Variants in CROT observed in about 807,000 individuals in gnomAD.
The protein encoded by CROT is peroxisomal carnitine O-octanoyltransferase.
A neutral mutation model predicts 89.2 loss-of-function variants in CROT; 84 were observed. The observed-to-expected ratio is 0.94, with a 90% confidence interval of 0.79 to 1.13. CROT has a LOEUF of 1.13. Ranked by LOEUF, CROT falls within the 50% of genes most tolerant of loss-of-function variation. The probability of loss-of-function intolerance (pLI) is 0.00; values close to 1 mark genes in which losing one functional copy is unlikely to be tolerated. For synonymous variants in CROT, 212 were observed against 239.5 expected (o/e 0.89, Z 1.06); for missense variants, 711 against 727.8 (o/e 0.98, Z 0.27).
chr7:87,360,660 T>A (rs1806237386), intron 4 of CROT, among the ~76,000 whole-genome samples: 1 of 152,126 alleles, frequency 6.6e-6, no homozygotes, highest in South Asian at 2.1e-4. Context: ...ATTTCTGATT[T>A]AGTATTGCAG....
chr7:87,397,937 C>T (rs1807595856), intron 17 of CROT, among the ~76,000 whole-genome samples: 1 of 152,160 alleles, frequency 6.6e-6, no homozygotes, highest in Admixed American at 6.5e-5. Flanking sequence ...AGTCAGGCTT[C>T]TCTCCTATTT....
intron 17 of CROT, among the ~76,000 whole-genome samples, chr7:87,396,690 T>TAA (rs11417845): frequency 0.12 from 17,196 of 148,864 alleles, 1,034 homozygotes; most frequent in South Asian, 0.13. Flanking sequence ...ATGCTGATTG[T>TAA]AAAAAAAAAA....
At chr7:87,351,016 A>T (rs1394939146) in intron 3 of CROT, among the ~76,000 whole-genome samples, 3 of 149,968 alleles carry the variant, frequency 2.0e-5, no homozygotes, top group Non-Finnish European at 2.9e-5. Flanking sequence ...TATATTAGAA[A>T]AGGAAATATT....
chr7:87,385,109 T>G lies in CROT; in HGVS notation c.1301+2566T>G, dbSNP rs187527273. ...GGTTACTATAGTTTGGCGGTATATT[T>G]TGAAGTTTGGTAATGTGATACCTCA... is the stretch of plus-strand genomic sequence containing the variant. On this transcript the variant is annotated intron_variant, in intron 13 of 17. Coordinates refer to ENST00000331536, the MANE Select transcript of CROT (RefSeq NM_021151.4). 9.9e-5 allele frequency among the ~76,000 whole-genome samples: 15 copies of G among 152,278 alleles called. No homozygotes were observed. In the East Asian group the frequency reaches 2.7e-3, roughly 27 times the overall value.
chr7:87,358,259 C>T lies in CROT; in HGVS notation c.116-947C>T, dbSNP rs375046823. Among the ~76,000 whole-genome samples, 13 of 151,306 alleles carry T rather than the reference C, an allele frequency of 8.6e-5. No individual in the cohort carries two copies. In the East Asian group the frequency reaches 1.4e-3, roughly 16 times the overall value. On this transcript the variant is annotated intron_variant, in intron 3 of 17. Transcript: ENST00000331536. ...TTGGGAGGCGGAGGCAGGTAGATCA[C>T]GAGGTCAGGAGATCGAGACCATCCT... is the stretch of plus-strand genomic sequence containing the variant.
chr7:87,354,439 G>A (rs1218238622), intron 3 of CROT: 2 of 515,568 alleles, frequency 3.9e-6, no homozygotes, highest in Admixed American at 2.0e-5. Context: ...TATGATTATA[G>A]CATAGGATTA....
chr7:87,356,298 T>A (rs970436743), intron 3 of CROT, among the ~76,000 whole-genome samples: 1 of 152,352 alleles, frequency 6.6e-6, no homozygotes, highest in Admixed American at 6.5e-5. Context: ...ACCAAAATTT[T>A]GGGTAAAGTA....
At chr7:87,376,810 G>A (rs1424772553) in intron 9 of CROT, among the ~76,000 whole-genome samples, 2 of 152,034 alleles carry the variant, frequency 1.3e-5, no homozygotes, top group Non-Finnish European at 2.9e-5. Flanking sequence ...GAGTTTCACA[G>A]AGCACTAATT....
chr7:87,390,250 T>C (rs965270127), intron 13 of CROT, among the ~76,000 whole-genome samples: 1 of 152,192 alleles, frequency 6.6e-6, no homozygotes, highest in African/African-American at 2.4e-5. Context: ...CTCCATCTTT[T>C]AAGATTAAGA....
chr7:87,374,120 A>G (rs1365892496), intron 7 of CROT, among the ~76,000 whole-genome samples: 1 of 152,102 alleles, frequency 6.6e-6, no homozygotes, highest in Non-Finnish European at 1.5e-5. Flanking sequence ...AAAAAAATAT[A>G]TGATTCTGTA....
chr7:87,356,134 C>T (rs905016639), intron 3 of CROT, among the ~76,000 whole-genome samples: 3 of 152,120 alleles, frequency 2.0e-5, no homozygotes, highest in Admixed American at 2.0e-4. Context: ...GCAGGTGCCA[C>T]CATGCCCTGC....
intron 7 of CROT, among the ~76,000 whole-genome samples, chr7:87,370,517 T>C (rs1196225290): frequency 6.6e-6 from 1 of 152,168 alleles, no homozygotes; most frequent in Non-Finnish European, 1.5e-5. Flanking sequence ...TAACAGAGAA[T>C]CAGTTGTTCT....
At chr7:87,353,831 TCCCATGATCCAGC>T (rs985920245) in intron 3 of CROT, among the ~76,000 whole-genome samples, 13 of 152,186 alleles carry the variant, frequency 8.5e-5, no homozygotes, top group Non-Finnish European at 1.8e-4. Context: ...AGGGCTCTGC[TCCCATGATCCAGC>T]CACCTCCCAC....
At chr7:87,398,133 A>T (rs1807605243) in intron 17 of CROT, among the ~76,000 whole-genome samples, 2 of 146,670 alleles carry the variant, frequency 1.4e-5, no homozygotes, top group African/African-American at 2.5e-5. Context: ...TTCTTCAAGT[A>T]CTCTTTAAAA....
intron 10 of CROT, among the ~76,000 whole-genome samples, chr7:87,378,187 T>C (rs1006438580): frequency 6.6e-6 from 1 of 151,650 alleles, no homozygotes; most frequent in African/African-American, 2.4e-5. Context: ...CTACAAAAAA[T>C]ACAAAAATTA....
intron 7 of CROT, 76 bp downstream of exon 7, chr7:87,369,560 C>T: frequency 1.2e-6 from 1 of 824,692 alleles, no homozygotes; most frequent in Non-Finnish European, 1.8e-6. Context: ...TTTAGAATTG[C>T]CTTTCAAGGT....
chr7:87,357,479 G>A (rs1806118550), intron 3 of CROT: 7 of 1,551,468 alleles, frequency 4.5e-6, no homozygotes, highest in Non-Finnish European at 6.1e-6. Flanking sequence ...TCCTCAGCAT[G>A]GGATCTCATC....
At chr7:87,390,689 G>A (rs911789915) in intron 13 of CROT, among the ~76,000 whole-genome samples, 1 of 152,074 alleles carries the variant, frequency 6.6e-6, no homozygotes, top group African/African-American at 2.4e-5. Flanking sequence ...TCCAACCCAG[G>A]AAAACAGATA....
intron 3 of CROT, among the ~76,000 whole-genome samples, chr7:87,352,678 G>T (rs977091889): frequency 6.6e-6 from 1 of 152,116 alleles, no homozygotes; most frequent in Non-Finnish European, 1.5e-5. Flanking sequence ...TAGTCTCTGG[G>T]CCTGGAAGGA....
Sources: allele counts gnomAD v4.1 joint callset (sites outside exome capture counted in the v4.1 genomes callset), GRCh38; gene constraint gnomAD v4.1.1; transcripts MANE v1.5; gene names NCBI Gene and HGNC (gene_info 2026-07-23, HGNC 2026-07-21).